Variants in CLDN14 observed in about 807,000 individuals in gnomAD.
The protein encoded by CLDN14 is claudin-14.
In CLDN14, 2 loss-of-function variants were observed where a neutral mutation model predicts 2.1. The ratio of observed to expected loss-of-function variants is 0.96; its 90% CI spans 0.39 to 3.01. The LOEUF is 3.01. CLDN14 is among the 30% of genes most tolerant of loss of function. The pLI is 0.09. For synonymous variants in CLDN14, 136 were observed against 154.4 expected (o/e 0.88, Z 0.88); for missense variants, 298 against 328.0 (o/e 0.91, Z 0.71).
intron 1 of CLDN14, among the ~76,000 whole-genome samples, chr21:36,531,029 G>C (rs932681855): frequency 6.6e-6 from 1 of 152,090 alleles, no homozygotes; most frequent in Admixed American, 6.5e-5. Context: ...TCAGGAGTTC[G>C]AGATCAGCCT....
chr21:36,460,807 T>C lies in CLDN14; in HGVS notation c.*169A>G, dbSNP rs963664355. 30 of 750,218 alleles carry C rather than the reference T, an allele frequency of 4.0e-5. No individual in the cohort carries two copies. Among genetic ancestry groups the C allele is most frequent in the Non-Finnish European group, 6.4e-5 (30 of 468,878 alleles). The allele number at this position is 750,218 out of a possible 1,614,324, so 46.5% of individuals were successfully genotyped here. On this transcript the variant is annotated 3_prime_UTR_variant, in exon 2 of 2. Coordinates refer to ENST00000399135, the MANE Select transcript of CLDN14 (RefSeq NM_001146079.2). The surrounding 1 kb of genome is among the most constrained non-coding windows in gnomAD (Gnocchi z 4.0). ...TATAGAGAGCTTTCTCCTCCTCTTA[T>C]TTCCCCCTCTGTCCCTGTGCTCTAA... is the stretch of plus-strand genomic sequence containing the variant.
intron 1 of CLDN14, among the ~76,000 whole-genome samples, chr21:36,543,499 T>G (rs777728318): frequency 6.6e-5 from 10 of 152,242 alleles, no homozygotes; most frequent in South Asian, 2.1e-4. Context: ...GTGCTTAGAT[T>G]CTGCCTATAA....
chr21:36,521,371 G>C (rs1337785488), intron 1 of CLDN14, among the ~76,000 whole-genome samples: 1 of 152,186 alleles, frequency 6.6e-6, no homozygotes, highest in Non-Finnish European at 1.5e-5. Context: ...ATTTTATAAA[G>C]GCAGCTTCCC....
intron 1 of CLDN14, among the ~76,000 whole-genome samples, chr21:36,522,286 G>T (rs1213359600): frequency 6.6e-6 from 1 of 152,210 alleles, no homozygotes; most frequent in Admixed American, 6.5e-5. Context: ...TGTGGGCTCA[G>T]AGCCTGTTTT....
In CLDN14 at chr21:36,498,481, G is replaced by T. The variant is rs75541459; in HGVS notation, c.-82+11882C>A. Among the ~76,000 whole-genome samples the T allele has an allele frequency of 5.3e-3, 804 of 152,300 alleles. 3 individuals are homozygous for T. The highest frequency in any genetic ancestry group is 0.01 in the Middle Eastern group (3 of 294). On this transcript the variant is annotated intron_variant, in intron 2 of 2. Transcript: ENST00000342108. The surrounding 1 kb of genome is among the most constrained non-coding windows in gnomAD (Gnocchi z 4.9). The stretch of plus-strand genomic sequence containing the variant: ...AGACCAACTGGTGGGAAAAATACTT[G>T]CACGGCAGCAGGTTGTTTGAATAAA...
intron 1 of CLDN14, among the ~76,000 whole-genome samples, chr21:36,556,685 G>A (rs1891949413): frequency 6.6e-6 from 1 of 152,166 alleles, no homozygotes; most frequent in Non-Finnish European, 1.5e-5. Flanking sequence ...TGAATTCTCC[G>A]TGTCCACAGC....
chr21:36,573,112 T>C (rs548476205), intron 1 of CLDN14, among the ~76,000 whole-genome samples: 1 of 152,014 alleles, frequency 6.6e-6, no homozygotes, highest in Non-Finnish European at 1.5e-5. Flanking sequence ...CCATCCTGGC[T>C]AACATGGTGA....
chr21:36,497,636 C>G (rs773348335), intron 2 of CLDN14, among the ~76,000 whole-genome samples: 1 of 152,116 alleles, frequency 6.6e-6, no homozygotes, highest in Non-Finnish European at 1.5e-5. Context: ...GACCTAAGCC[C>G]GGAAAGCCGG....
rs1199248182 is a variant in CLDN14, at chr21:36,551,829, C to T, written c.-220+24582G>A. 6.6e-6 allele frequency among the ~76,000 whole-genome samples: 1 copy of T among 152,190 alleles called. No homozygotes were observed. The highest frequency in any genetic ancestry group is 6.5e-5 in the Admixed American group (1 of 15,270). The stretch of plus-strand genomic sequence containing the variant: ...AGCAGACAGCAACTCATTGCAACTG[C>T]TCCTGTCCTGTCGGTCGAGAGGAGA... On this transcript the variant is annotated intron_variant, in intron 1 of 2. Transcript: ENST00000342108. This position sits in a 1 kb window ranked among gnomAD's most constrained non-coding sequence, Gnocchi z 4.8.
chr21:36,460,824 G>A lies in CLDN14; in HGVS notation c.*152C>T. ...TCCTCTTATTTCCCCCTCTGTCCCT[G>A]TGCTCTAAAGACATTTCCTCGCATT... On this transcript the variant is annotated 3_prime_UTR_variant, in exon 2 of 2. Coordinates refer to ENST00000399135, the MANE Select transcript of CLDN14 (RefSeq NM_001146079.2). The surrounding 1 kb of genome is among the most constrained non-coding windows in gnomAD (Gnocchi z 4.0). The A allele has an allele frequency of 1.1e-6, 1 of 877,416 alleles. No individual in the cohort carries two copies. The allele number at this position is 877,416 out of a possible 1,614,324, so 54.4% of individuals were successfully genotyped here.
At chr21:36,539,686 TGA>T (rs1165005021) in intron 1 of CLDN14, among the ~76,000 whole-genome samples, 3 of 138,034 alleles carry the variant, frequency 2.2e-5, no homozygotes, top group Non-Finnish European at 3.1e-5. Flanking sequence ...ATGTGTGGAG[TGA>T]GTGTGTGTGC....
intron 1 of CLDN14, chr21:36,532,367 C>T (rs1278038665): frequency 6.9e-6 from 1 of 145,040 alleles, no homozygotes; most frequent in Admixed American, 7.1e-5. Flanking sequence ...ACAATTGTTA[C>T]ATGTCAATAA....
At chr21:36,497,379 G>A (rs868128653) in intron 2 of CLDN14, among the ~76,000 whole-genome samples, 1 of 28,674 alleles carries the variant, frequency 3.5e-5, no homozygotes. Flanking sequence ...GGGAGGGAGG[G>A]AGGGAGGGAG....
intron 1 of CLDN14, among the ~76,000 whole-genome samples, chr21:36,561,646 T>C (rs2087635784): frequency 6.6e-6 from 1 of 152,206 alleles, no homozygotes; most frequent in Admixed American, 6.5e-5. Flanking sequence ...AAAGTAATGT[T>C]GCCCCAGTAG....
upstream of CLDN14, chr21:36,480,862 A>G (rs1275695769): frequency 6.6e-6 from 1 of 152,088 alleles, no homozygotes; most frequent in Non-Finnish European, 1.5e-5. Flanking sequence ...AAAAAGATGC[A>G]GCGAAGGAAT....
intron 2 of CLDN14, among the ~76,000 whole-genome samples, chr21:36,508,664 C>A (rs935651746): frequency 6.6e-6 from 1 of 152,190 alleles, no homozygotes; most frequent in Admixed American, 6.5e-5. Context: ...TACAAGGACA[C>A]CGGAGCACTG....
At chr21:36,464,447 C>T (rs539340314) in intron 1 of CLDN14, among the ~76,000 whole-genome samples, 39 of 152,354 alleles carry the variant, frequency 2.6e-4, no homozygotes, top group Non-Finnish European at 4.6e-4. Flanking sequence ...ATTTGCCACA[C>T]GCACTATGCA....
chr21:36,487,145 C>T (rs1225671374), intron 2 of CLDN14: 11 of 205,348 alleles, frequency 5.4e-5, no homozygotes, highest in Middle Eastern at 1.9e-3. Flanking sequence ...CCACCACACC[C>T]GGCTAATTTT....
chr21:36,561,909 T>C (rs1166048060), intron 1 of CLDN14, among the ~76,000 whole-genome samples: 1 of 151,488 alleles, frequency 6.6e-6, no homozygotes, highest in African/African-American at 2.4e-5. Flanking sequence ...GCCAGTGGGA[T>C]AGACAAAGAT....
Sources: gnomAD v4.1 joint callset for allele counts (sites outside exome capture counted in the v4.1 genomes callset) on GRCh38, gnomAD v4.1.1 for gene constraint, Gnocchi (gnomAD v3.1) non-coding constraint, MANE v1.5 for transcripts, NCBI Gene and HGNC (gene_info 2026-07-23, HGNC 2026-07-21) for gene names.